Variants in CCDC85C observed in about 807,000 individuals in gnomAD.
CCDC85C encodes coiled-coil domain-containing protein 85C.
Under a neutral mutation model 38.3 loss-of-function variants are expected in CCDC85C, and 18 were observed. The observed-to-expected ratio is 0.47, with a 90% confidence interval of 0.33 to 0.70. The LOEUF is 0.70. Ranked by LOEUF, CCDC85C falls within the 30% of genes least tolerant of loss-of-function variation. CCDC85C has a pLI of 0.03. For missense variants in CCDC85C, 566 were observed against 621.2 expected, an observed-to-expected ratio of 0.91 and a Z score of 0.94; for synonymous variants, 264 against 293.8, an observed-to-expected ratio of 0.90 and a Z score of 1.04.
At position 99,535,401 on chromosome 14, in the gene CCDC85C, G is replaced by C. The variant is rs972329896; in HGVS notation, c.867+614C>G. On this transcript the variant is annotated intron_variant, in intron 2 of 5. Coordinates refer to ENST00000380243, the MANE Select transcript of CCDC85C (RefSeq NM_001144995.2). This position sits in a 1 kb window ranked among gnomAD's most constrained non-coding sequence, Gnocchi z 5.5. ...ATAGCCTCCTCTCGGCAGCCCCCAC[G>C]CCTGCCCCACCTGCAGCAGGGAAAG... Among the ~76,000 whole-genome samples, 2 of 152,080 alleles carry C rather than the reference G, an allele frequency of 1.3e-5. No homozygotes were observed. Among genetic ancestry groups the C allele is most frequent in the African/African-American group, 4.8e-5 (2 of 41,404 alleles).
intron 1 of CCDC85C, among the ~76,000 whole-genome samples, chr14:99,583,680 C>T (rs774099986): frequency 5.3e-5 from 8 of 151,450 alleles, no homozygotes; most frequent in Non-Finnish European, 8.8e-5. Context: ...TGGTGACAGA[C>T]GCCTGTAGTC....
chr14:99,602,829 A>C (rs1234212147), intron 1 of CCDC85C, among the ~76,000 whole-genome samples: 1 of 152,206 alleles, frequency 6.6e-6, no homozygotes, highest in African/African-American at 2.4e-5. Flanking sequence ...GCTACTAGGC[A>C]AGGATTTCCA....
chr14:99,595,375 T>A (rs190055008), intron 1 of CCDC85C, among the ~76,000 whole-genome samples: 7,711 of 152,182 alleles, frequency 0.051, 632 homozygotes, highest in East Asian at 0.28. Flanking sequence ...GCCTACCAAA[T>A]AGCTGGCATT....
chr14:99,584,841 C>A (rs991753625), intron 1 of CCDC85C, among the ~76,000 whole-genome samples: 2 of 152,230 alleles, frequency 1.3e-5, no homozygotes, highest in African/African-American at 4.8e-5. Flanking sequence ...GTAATCCCAG[C>A]ACTTTGGGAG....
intron 1 of CCDC85C, among the ~76,000 whole-genome samples, chr14:99,592,090 G>T (rs1490252632): frequency 6.6e-6 from 1 of 152,194 alleles, no homozygotes; most frequent in Non-Finnish European, 1.5e-5. Context: ...AGGAAGAATC[G>T]TCTAGACCAG....
intron 3 of CCDC85C, among the ~76,000 whole-genome samples, chr14:99,518,232 C>T (rs771530912): frequency 1.9e-4 from 29 of 152,264 alleles, no homozygotes; most frequent in South Asian, 1.5e-3. Flanking sequence ...GCCTGGCAGC[C>T]AACCCCTGGT....
At chr14:99,524,682 T>C (rs1312639078) in intron 2 of CCDC85C, among the ~76,000 whole-genome samples, 1 of 152,234 alleles carries the variant, frequency 6.6e-6, no homozygotes, top group Non-Finnish European at 1.5e-5. Context: ...AAAATCCTGC[T>C]ATGAGACAGG....
At position 99,547,053 on chromosome 14, in the gene CCDC85C, G is replaced by A. The variant is rs891392764; in HGVS notation, c.794-10965C>T. 3.3e-5 allele frequency among the ~76,000 whole-genome samples: 5 copies of A among 152,040 alleles called. 1 individual carries two copies. In the Middle Eastern group the frequency reaches 0.01, roughly 310 times the overall value. ...TTTTTTTCCTGAGGTCAGCCATGGT[G>A]GTACATGCTTGTAGGCCCAGCCACT... On this transcript the variant is annotated intron_variant, in intron 1 of 5. Coordinates refer to ENST00000380243, the MANE Select transcript of CCDC85C (RefSeq NM_001144995.2).
At chr14:99,600,828 ATC>A (rs760140804) in intron 1 of CCDC85C, among the ~76,000 whole-genome samples, 3 of 152,198 alleles carry the variant, frequency 2.0e-5, no homozygotes, top group Non-Finnish European at 4.4e-5. Context: ...CTCAGGCCCA[ATC>A]TTTGCTCAAT....
chr14:99,601,701 G>C (rs1566787532), intron 1 of CCDC85C, among the ~76,000 whole-genome samples: 1 of 152,142 alleles, frequency 6.6e-6, no homozygotes. Context: ...ACCTAACTTT[G>C]CGCTACTCCC....
chr14:99,568,425 C>T (rs1365725280), intron 1 of CCDC85C, among the ~76,000 whole-genome samples: 5 of 152,032 alleles, frequency 3.3e-5, no homozygotes, highest in Admixed American at 2.0e-4. Flanking sequence ...CCTTGGCCTT[C>T]CTCTCTCAGA....
chr14:99,517,006 T>C lies in CCDC85C; in HGVS notation c.1071+82A>G. ...AAACCTCCCACCCCTGCCACTTGGA[T>C]ACCCCTAGGTGCAAAGGTCCCACAG... On this transcript the variant is annotated intron_variant, in intron 4 of 5. Coordinates refer to ENST00000380243, the MANE Select transcript of CCDC85C (RefSeq NM_001144995.2). 2.3e-6 allele frequency: 3 copies of C among 1,303,522 alleles called. No individual in the cohort carries two copies. In the East Asian group the frequency reaches 7.5e-5, roughly 33 times the overall value. 80.7% of individuals were successfully genotyped at this position (1,303,522 alleles called of 1,614,324 possible).
chr14:99,569,372 C>A lies in CCDC85C; in HGVS notation c.794-33284G>T, dbSNP rs1245222114. 1.3e-5 allele frequency among the ~76,000 whole-genome samples: 2 copies of A among 152,170 alleles called. No homozygotes were observed. Among genetic ancestry groups the A allele is most frequent in the African/African-American group, 4.8e-5 (2 of 41,418 alleles). On this transcript the variant is annotated intron_variant, in intron 1 of 5. Coordinates refer to ENST00000380243, the MANE Select transcript of CCDC85C (RefSeq NM_001144995.2). This position sits in a 1 kb window ranked among gnomAD's most constrained non-coding sequence, Gnocchi z 4.3. ...CCAGTGGGGTGTGTGCTCGGCTCCACCAGACAGTATTCCAAAGGGTTCCCT... is the reference window on the plus strand; with the variant it reads ...CCAGTGGGGTGTGTGCTCGGCTCCAACAGACAGTATTCCAAAGGGTTCCCT...
Position 99,507,084 on chromosome 14 carries a change from C to A in CCDC85C, c.*8162G>T. ...CTGCTTTTTCTTTGTAGAACCACCA[C>A]CACCTAAAATCCCCAAAATTGAGAC... is the stretch of plus-strand genomic sequence containing the variant. On this transcript the variant is annotated 3_prime_UTR_variant, in exon 6 of 6. Transcript: ENST00000380243. 1 of 1,605,674 alleles carries A rather than the reference C, an allele frequency of 6.2e-7. No individual in the cohort carries two copies. Among genetic ancestry groups the A allele is most frequent in the Non-Finnish European group, 8.5e-7 (1 of 1,172,336 alleles).
In CCDC85C at chr14:99,603,841, C is replaced by G. The variant is rs532161116; in HGVS notation, c.119G>C (p.Gly40Ala). 360 of 1,518,792 alleles carry G rather than the reference C, an allele frequency of 2.4e-4. 4 individuals carry two copies. The East Asian group carries it at 7.7e-3, about 32-fold the overall frequency. 94.1% of individuals were successfully genotyped at this position (1,518,792 alleles called of 1,614,324 possible). Residue 40 changes from glycine (G) to alanine (A), a missense_variant, in exon 1 of 6, where the codon GGC (glycine) becomes GCC (alanine). This residue lies in a region of CCDC85C where 269 missense variants were observed against 308.2 expected (regional missense o/e 0.87). Transcript: ENST00000380243. This position sits in a 1 kb window ranked among gnomAD's most constrained non-coding sequence, Gnocchi z 7.5. ...CTCCAGCATGAGGCCCACCTTCTCG[C>G]CCTCGGCGCGCCGCAGCCGCCGCGC... ...ELARRLRRAEGEKVGLMLEHG... is the reference protein window; with the variant it reads ...ELARRLRRAEAEKVGLMLEHG...
At chr14:99,528,310 CT>C (rs1897427848) in intron 2 of CCDC85C, among the ~76,000 whole-genome samples, 1 of 152,232 alleles carries the variant, frequency 6.6e-6, no homozygotes, top group Non-Finnish European at 1.5e-5. Context: ...GCCCATCACT[CT>C]GCCCAGTGCC....
intron 1 of CCDC85C, among the ~76,000 whole-genome samples, chr14:99,587,570 C>G (rs1327387869): frequency 6.6e-6 from 1 of 152,246 alleles, no homozygotes; most frequent in Non-Finnish European, 1.5e-5. Context: ...CTCACAGCCC[C>G]TCCGCAAGGT....
At chr14:99,593,293 A>G (rs944025320) in intron 1 of CCDC85C, among the ~76,000 whole-genome samples, 9 of 152,332 alleles carry the variant, frequency 5.9e-5, no homozygotes, top group African/African-American at 1.9e-4. Context: ...GAAGACAAAG[A>G]GATGCTTCCC....
chr14:99,562,505 G>A (rs1014002437), intron 1 of CCDC85C, among the ~76,000 whole-genome samples: 1 of 152,226 alleles, frequency 6.6e-6, no homozygotes, highest in African/African-American at 2.4e-5. Flanking sequence ...CTGAGGAAGG[G>A]CAGTTGGCCA....
Sources: allele counts gnomAD v4.1 joint callset (sites outside exome capture counted in the v4.1 genomes callset), GRCh38; gene constraint gnomAD v4.1.1; regional missense constraint gnomAD v4.1.1; non-coding constraint Gnocchi (gnomAD v3.1); transcripts MANE v1.5; gene names NCBI Gene and HGNC (gene_info 2026-07-23, HGNC 2026-07-21).